The following KCNU1 variants were observed in gnomAD, a reference collection of about 807,000 sequenced individuals.
The protein encoded by KCNU1 is potassium calcium-activated channel subfamily U member 1, also known as potassium channel subfamily U member 1.
A neutral mutation model predicts 126.8 loss-of-function variants in KCNU1; 93 were observed. The observed-to-expected ratio is 0.73, with a 90% CI of 0.62 to 0.87. The LOEUF (loss-of-function observed/expected upper bound fraction) is 0.87. Among genes scored for constraint, KCNU1 ranks in the 40% least tolerant of loss-of-function variants. The pLI is 0.00. For synonymous variants in KCNU1, 523 were observed against 494.2 expected (o/e 1.06, Z -0.77); for missense variants, 1,330 against 1,367.1 (o/e 0.97, Z 0.43).
chr8:36,828,842 C>A (rs1472089630), intron 10 of KCNU1, among the ~76,000 whole-genome samples: 1 of 151,968 alleles, frequency 6.6e-6, no homozygotes, highest in Non-Finnish European at 1.5e-5. Flanking sequence ...GTCATTTTTT[C>A]CAAGTCATTG....
At chr8:36,865,673 T>C (rs1191813129) in intron 19 of KCNU1, among the ~76,000 whole-genome samples, 2 of 147,814 alleles carry the variant, frequency 1.4e-5, no homozygotes, top group Non-Finnish European at 3.0e-5. Context: ...CTACTTGGGC[T>C]ATTGAGATGA....
intron 20 of KCNU1, among the ~76,000 whole-genome samples, chr8:36,908,170 A>G (rs563621573): frequency 6.6e-6 from 1 of 152,188 alleles, no homozygotes; most frequent in Non-Finnish European, 1.5e-5. Flanking sequence ...GAAACCACAC[A>G]TAGGCTTACA....
chr8:36,834,142 G>A (rs904410740), intron 11 of KCNU1, among the ~76,000 whole-genome samples: 5 of 152,130 alleles, frequency 3.3e-5, no homozygotes, highest in Admixed American at 2.6e-4. Flanking sequence ...ATGAGCAACA[G>A]CCAACCCTCT....
intron 10 of KCNU1, among the ~76,000 whole-genome samples, chr8:36,822,858 C>T (rs1585417076): frequency 6.6e-6 from 1 of 152,120 alleles, no homozygotes; most frequent in African/African-American, 2.4e-5. Flanking sequence ...GGTCAACTTC[C>T]TTGTCATTCT....
At chr8:36,892,966 C>T (rs1224692927) in intron 19 of KCNU1, among the ~76,000 whole-genome samples, 1 of 151,742 alleles carries the variant, frequency 6.6e-6, no homozygotes, top group African/African-American at 2.4e-5. Flanking sequence ...CTGTTATTTT[C>T]TTTTGTTTTA....
At chr8:36,873,656 G>T (rs1446528716) in intron 19 of KCNU1, among the ~76,000 whole-genome samples, 4 of 152,072 alleles carry the variant, frequency 2.6e-5, no homozygotes, top group Non-Finnish European at 5.9e-5. Flanking sequence ...TCCACAGCTG[G>T]CTGAGGACTG....
chr8:36,887,407 C>T (rs1194823799), intron 19 of KCNU1, among the ~76,000 whole-genome samples: 1 of 146,516 alleles, frequency 6.8e-6, no homozygotes, highest in Non-Finnish European at 1.5e-5. Flanking sequence ...TTTCTGAAAA[C>T]GTTGAGCATT....
rs1004116721 is a variant in KCNU1, at chr8:36,894,061, C to T, written c.2010-11647C>T. Among the ~76,000 whole-genome samples, 28 of 151,972 alleles carry T rather than the reference C, an allele frequency of 1.8e-4. 1 individual carries two copies. Among genetic ancestry groups the T allele is most frequent in the Non-Finnish European group, 2.9e-5 (2 of 67,968 alleles). ...TGAAAAAATTTTCGATTAACAAATG[C>T]CACTGAGTATTTGTGATATCTTTGG... is the stretch of plus-strand genomic sequence containing the variant. On this transcript the variant is annotated intron_variant, in intron 19 of 26. Coordinates refer to ENST00000399881, the MANE Select transcript of KCNU1 (RefSeq NM_001031836.3).
rs750397480 is a variant in KCNU1 at position 36,817,701 on chromosome 8, G to A, written c.1047G>A (p.Leu349=). The A allele has an allele frequency of 3.1e-6, 5 of 1,613,184 alleles. No individual in the cohort carries two copies. The South Asian group carries it at 5.5e-5, about 18-fold the overall frequency. The part of the protein sequence containing the change: ...NITVDSVTAF[L]RNFLRDKSGE... The stretch of plus-strand genomic sequence containing the variant: ...CTGTGGACAGTGTGACCGCTTTCCT[G>A]AGGAATTTCCTCCGCGACAAGTCAG... Residue 349 remains leucine, a synonymous_variant, in exon 10 of 27, where the codon CTG becomes CTA. Coordinates refer to ENST00000399881, the MANE Select transcript of KCNU1 (RefSeq NM_001031836.3).
chr8:36,869,200 T>G (rs1344577455), intron 19 of KCNU1, among the ~76,000 whole-genome samples: 2 of 152,070 alleles, frequency 1.3e-5, no homozygotes, highest in Non-Finnish European at 2.9e-5. Context: ...CTCAAGTGAG[T>G]AGTGAAAGAT....
In KCNU1 at chr8:36,932,999, T is replaced by C; in HGVS notation, c.3011T>C (p.Ile1004Thr). The C allele has an allele frequency of 6.4e-7, 1 of 1,566,940 alleles. No homozygotes were observed. The highest frequency in any genetic ancestry group is 8.7e-7 in the Non-Finnish European group (1 of 1,153,932). The change falls in exon 26 of 27, where the codon ATT (isoleucine) becomes ACT (threonine). Residue 1004 changes from isoleucine (I) to threonine (T), a missense_variant. Transcript: ENST00000399881. ...CTGTGTGTTGGCTTATACCGAATAA[T>C]TGATGAAGAGGAGCTCAACCCAGAA... ...GILCVGLYRI[I>T]DEEELNPENK...
At chr8:36,917,793 G>C (rs552362290) in intron 22 of KCNU1, among the ~76,000 whole-genome samples, 1 of 152,274 alleles carries the variant, frequency 6.6e-6, no homozygotes, top group East Asian at 1.9e-4. Flanking sequence ...TTGGGGTCGA[G>C]TCTCACAGAG....
Position 36,833,650 on chromosome 8 carries a change from G to A in KCNU1, c.1203G>A (p.Arg401=), listed in dbSNP as rs369258362. Residue 401 remains arginine, a synonymous_variant, in exon 11 of 27, where the codon AGG becomes AGA. Coordinates refer to ENST00000399881, the MANE Select transcript of KCNU1 (RefSeq NM_001031836.3). ...SGSAMKWEDL[R]RVAVESAEAC... ...CTGCAATGAAGTGGGAGGATCTGAG[G>A]CGAGTTGCGGTAAGATCTAGCTGTT... 3 of 1,601,018 alleles carry A rather than the reference G, an allele frequency of 1.9e-6. No homozygotes were observed. The highest frequency in any genetic ancestry group is 2.7e-5 in the African/African-American group (2 of 74,616).
chr8:36,808,926 A>G, intron 7 of KCNU1, 133 bp downstream of exon 7: 1 of 623,408 alleles, frequency 1.6e-6, no homozygotes, highest in Non-Finnish European at 2.8e-6. Context: ...TCTACTTCCC[A>G]TTTTCAGGTT....
chr8:36,803,166 G>T (rs1406041837), intron 2 of KCNU1, among the ~76,000 whole-genome samples: 1 of 152,150 alleles, frequency 6.6e-6, no homozygotes, highest in Non-Finnish European at 1.5e-5. Context: ...TAAAAACCTA[G>T]AAATGGTTAA....
At chr8:36,853,717 G>C (rs1415906896) in intron 18 of KCNU1, among the ~76,000 whole-genome samples, 1 of 152,138 alleles carries the variant, frequency 6.6e-6, no homozygotes, top group Non-Finnish European at 1.5e-5. Context: ...GGAAGATCAT[G>C]TATTATTCTG....
At chr8:36,789,181 C>T (rs1802814941) in intron 2 of KCNU1, among the ~76,000 whole-genome samples, 1 of 151,646 alleles carries the variant, frequency 6.6e-6, no homozygotes. Flanking sequence ...CATAGCAAGA[C>T]CTCACCTCTA....
chr8:36,800,784 G>A (rs911918001), intron 2 of KCNU1, among the ~76,000 whole-genome samples: 1 of 152,236 alleles, frequency 6.6e-6, no homozygotes, highest in Non-Finnish European at 1.5e-5. Flanking sequence ...GTCATCTTGC[G>A]AGTTGGTAAG....
intron 24 of KCNU1, among the ~76,000 whole-genome samples, chr8:36,926,853 CAGA>C (rs1488049697): frequency 1.3e-5 from 2 of 152,070 alleles, no homozygotes; most frequent in African/African-American, 4.8e-5. Context: ...CCACACTATA[CAGA>C]AGGTCAAGGC....
Sources: gnomAD v4.1 joint callset for allele counts (sites outside exome capture counted in the v4.1 genomes callset) on GRCh38, gnomAD v4.1.1 for gene constraint, MANE v1.5 for transcripts, NCBI Gene and HGNC (gene_info 2026-07-23, HGNC 2026-07-21) for gene names.